PCDH9: variants seen among roughly 807,000 people sequenced by gnomAD.
The protein encoded by PCDH9 is protocadherin 9.
PCDH9 carries 24 observed loss-of-function variants against 70.6 expected under a neutral mutation model. The ratio of observed to expected loss-of-function variants is 0.34; its 90% confidence interval spans 0.25 to 0.48. PCDH9 has a LOEUF of 0.48. Ranked by LOEUF, PCDH9 falls within the 20% of genes least tolerant of loss-of-function variation. PCDH9 has a pLI of 0.99. For missense variants in PCDH9, 1,281 were observed against 1,503.6 expected (o/e 0.85, Z 2.45); for synonymous variants, 562 against 558.5 (o/e 1.01, Z -0.09).
intron 4 of PCDH9, among the ~76,000 whole-genome samples, chr13:66,519,876 G>A (rs560737069): frequency 6.7e-6 from 1 of 150,286 alleles, no homozygotes; most frequent in South Asian, 2.1e-4. Context: ...TCGACTGGTC[G>A]ACGGCAGTCC....
At chr13:66,408,436 A>G (rs1285049174) in intron 4 of PCDH9, among the ~76,000 whole-genome samples, 3 of 152,232 alleles carry the variant, frequency 2.0e-5, no homozygotes, top group Non-Finnish European at 4.4e-5. Context: ...TTCTCTGGAT[A>G]TACATTTTCA....
chr13:67,218,641 A>G (rs1346797947), intron 2 of PCDH9: 3 of 152,096 alleles, frequency 2.0e-5, no homozygotes, highest in East Asian at 3.8e-4. Flanking sequence ...CAAACATGAT[A>G]AAATTGACCA....
intron 2 of PCDH9, among the ~76,000 whole-genome samples, chr13:67,092,739 G>A (rs922592843): frequency 6.6e-6 from 1 of 152,174 alleles, no homozygotes; most frequent in East Asian, 1.9e-4. Flanking sequence ...AACGCACAAT[G>A]AGAAATATCC....
At chr13:66,713,621 G>GTATATATATATATA (rs1415001060) in intron 3 of PCDH9, among the ~76,000 whole-genome samples, 7 of 16,912 alleles carry the variant, frequency 4.1e-4, no homozygotes, top group East Asian at 1.8e-3. Flanking sequence ...AAGTGTGTGT[G>GTATATATATATATA]TGTGTATATA....
chr13:66,849,652 C>T (rs1947061674), intron 3 of PCDH9, among the ~76,000 whole-genome samples: 1 of 151,732 alleles, frequency 6.6e-6, no homozygotes, highest in Admixed American at 6.6e-5. Flanking sequence ...AACATCCAGC[C>T]TCAGGGAAGA....
intron 3 of PCDH9, among the ~76,000 whole-genome samples, chr13:66,700,076 T>C (rs903055564): frequency 6.6e-6 from 1 of 152,144 alleles, no homozygotes; most frequent in African/African-American, 2.4e-5. Flanking sequence ...CCTGTTCCAG[T>C]GTTGTTAGGG....
rs968352943 is a variant in PCDH9 at position 66,996,642 on chromosome 13, T to C, written c.3037-93037A>G. On this transcript the variant is annotated intron_variant, in intron 2 of 4. Coordinates refer to ENST00000377865, the MANE Select transcript of PCDH9 (RefSeq NM_203487.3). ...TAAGTTTATGTGTATGCTCAGTGCCTAGTACCAAACTGACATACAGTAAGC... is the reference window on the plus strand; with the variant it reads ...TAAGTTTATGTGTATGCTCAGTGCCCAGTACCAAACTGACATACAGTAAGC... 3.3e-5 allele frequency among the ~76,000 whole-genome samples: 5 copies of C among 152,236 alleles called. No homozygotes were observed. The South Asian group carries it at 1.0e-3, about 31-fold the overall frequency.
chr13:66,594,384 A>C (rs968460691), intron 4 of PCDH9, among the ~76,000 whole-genome samples: 1 of 151,796 alleles, frequency 6.6e-6, no homozygotes, highest in African/African-American at 2.4e-5. Flanking sequence ...AAAAATAAAC[A>C]GGTTTTGAAT....
intron 4 of PCDH9, among the ~76,000 whole-genome samples, chr13:66,543,074 T>A (rs1394492185): frequency 6.6e-6 from 1 of 151,938 alleles, no homozygotes; most frequent in Non-Finnish European, 1.5e-5. Flanking sequence ...TTTTCAATAA[T>A]TTTACATGTT....
At chr13:67,168,688 G>A (rs1016773448) in intron 2 of PCDH9, among the ~76,000 whole-genome samples, 2 of 151,980 alleles carry the variant, frequency 1.3e-5, no homozygotes, top group African/African-American at 4.8e-5. Flanking sequence ...CTGTGTTCAG[G>A]CCACTGCAGT....
At chr13:66,507,142 T>C (rs1304767202) in intron 4 of PCDH9, among the ~76,000 whole-genome samples, 1 of 152,202 alleles carries the variant, frequency 6.6e-6, no homozygotes, top group East Asian at 1.9e-4. Context: ...TGCTGTAATA[T>C]TATTCTCTGT....
chr13:66,488,599 AT>A lies in PCDH9; in HGVS notation c.3340+142610del, dbSNP rs567859942. ...ACAGCTAATAATAGAGTAAAAAAAA[AT>A]CTCAGAAAATTCTGTAAGAATTATT... On this transcript the variant is annotated intron_variant, in intron 4 of 4. Transcript: ENST00000377865. Among the ~76,000 whole-genome samples, 138 of 152,312 alleles carry A rather than the reference AT, an allele frequency of 9.1e-4. 2 individuals are homozygous for A. The highest frequency in any genetic ancestry group is 3.2e-3 in the African/African-American group (135 of 41,576).
chr13:66,547,474 T>C (rs920403724), intron 4 of PCDH9, among the ~76,000 whole-genome samples: 1 of 152,160 alleles, frequency 6.6e-6, no homozygotes, highest in Admixed American at 6.5e-5. Context: ...CACTGAACCA[T>C]ACAGTAGATT....
intron 4 of PCDH9, among the ~76,000 whole-genome samples, chr13:66,469,669 C>T (rs1319118241): frequency 2.0e-5 from 3 of 152,018 alleles, no homozygotes; most frequent in Admixed American, 2.0e-4. Flanking sequence ...ATAAAATAGT[C>T]CATCAAGGTG....
intron 3 of PCDH9, among the ~76,000 whole-genome samples, chr13:66,767,686 G>C (rs73210212): frequency 6.6e-6 from 1 of 151,914 alleles, no homozygotes; most frequent in Admixed American, 6.6e-5. Flanking sequence ...TGGAATTCAG[G>C]ATAGAATAAT....
chr13:66,631,957 G>A (rs547289848), intron 3 of PCDH9, among the ~76,000 whole-genome samples: 12 of 152,094 alleles, frequency 7.9e-5, no homozygotes, highest in South Asian at 2.1e-4. Context: ...GCAATGGCGC[G>A]ATCTTGGCTC....
chr13:66,663,616 G>C lies in PCDH9; in HGVS notation c.3139-32205C>G, dbSNP rs1468222812. 5.5e-4 allele frequency among the ~76,000 whole-genome samples: 84 copies of C among 152,232 alleles called. 1 individual carries two copies. The highest frequency in any genetic ancestry group is 7.4e-5 in the Non-Finnish European group (5 of 68,024). ...TATCTGCATATATCTTGACACTAAT[G>C]ACCTGTAAATTACTACTGTATCTCC... is the stretch of plus-strand genomic sequence containing the variant. On this transcript the variant is annotated intron_variant, in intron 3 of 4. Transcript: ENST00000377865.
chr13:66,573,138 A>T (rs2076758042), intron 4 of PCDH9, among the ~76,000 whole-genome samples: 1 of 152,068 alleles, frequency 6.6e-6, no homozygotes, highest in Admixed American at 6.5e-5. Flanking sequence ...CTGAGGTCAG[A>T]TGATATTCCA....
intron 4 of PCDH9, among the ~76,000 whole-genome samples, chr13:66,507,072 A>T (rs1959227734): frequency 6.6e-6 from 1 of 152,212 alleles, no homozygotes; most frequent in African/African-American, 2.4e-5. Context: ...GCAAATTTCT[A>T]TACCAATACT....
Sources: allele counts gnomAD v4.1 joint callset (sites outside exome capture counted in the v4.1 genomes callset), GRCh38; gene constraint gnomAD v4.1.1; transcripts MANE v1.5; gene names NCBI Gene and HGNC (gene_info 2026-07-23, HGNC 2026-07-21).